The following COL24A1 variants were observed in gnomAD, a reference collection of about 807,000 sequenced individuals.
The protein encoded by COL24A1 is collagen type XXIV alpha 1 chain.
Under a neutral mutation model 253.9 loss-of-function variants are expected in COL24A1, and 224 were observed. The observed-to-expected ratio is 0.88, with a 90% confidence interval of 0.79 to 0.99. The LOEUF is 0.99. Among genes scored for constraint, COL24A1 ranks in the 50% least tolerant of loss-of-function variants. COL24A1 has a pLI of 0.00. For synonymous variants in COL24A1, 685 were observed against 673.7 expected, an observed-to-expected ratio of 1.02 and a Z score of -0.26; for missense variants, 2,131 against 2,068.5, an observed-to-expected ratio of 1.03 and a Z score of -0.59.
intron 19 of COL24A1, 73 bp from the exon 20 acceptor site, chr1:85,987,727 T>C (rs1693851501): frequency 7.7e-7 from 1 of 1,302,596 alleles, no homozygotes; most frequent in Non-Finnish European, 1.1e-6. Flanking sequence ...TAAAATTCCC[T>C]TTGCTATTCC....
chr1:86,069,797 C>T lies in COL24A1; in HGVS notation c.1708-6038G>A, dbSNP rs369118329. On this transcript the variant is annotated intron_variant, in intron 7 of 59. Coordinates refer to ENST00000370571, the MANE Select transcript of COL24A1 (RefSeq NM_152890.7). ...GGCAGTACCTCTACAAAAACCACAG[C>T]GATATTGGGCTTGGGGCCCAAGTCC... Among the ~76,000 whole-genome samples, 486 of 152,292 alleles carry T rather than the reference C, an allele frequency of 3.2e-3. 1 individual carries two copies. The highest frequency in any genetic ancestry group is 9.4e-3 in the African/African-American group (390 of 41,558).
chr1:85,951,805 T>C (rs1689961528), intron 24 of COL24A1, among the ~76,000 whole-genome samples: 1 of 152,198 alleles, frequency 6.6e-6, no homozygotes, highest in Admixed American at 6.5e-5. Context: ...ATCAGAAAAG[T>C]GCTGAGCATA....
intron 24 of COL24A1, among the ~76,000 whole-genome samples, chr1:85,913,933 TC>T (rs780285846): frequency 4.6e-5 from 7 of 152,314 alleles, no homozygotes; most frequent in South Asian, 2.1e-4. Flanking sequence ...AATATTTATT[TC>T]CCACAGTGTT....
intron 25 of COL24A1, 150 bp from the exon 26 acceptor site, chr1:85,910,153 T>C: frequency 2.0e-6 from 1 of 492,626 alleles, no homozygotes; most frequent in Non-Finnish European, 3.5e-6. Flanking sequence ...TTTACAAATT[T>C]GGCGCTTTAT....
At chr1:85,870,754 T>C (rs1343964402) in intron 35 of COL24A1, among the ~76,000 whole-genome samples, 2 of 152,068 alleles carry the variant, frequency 1.3e-5, no homozygotes, top group Non-Finnish European at 2.9e-5. Flanking sequence ...AGGAAAGATC[T>C]AAAATTAACA....
At chr1:85,906,074 T>G (rs949243450) in intron 28 of COL24A1, among the ~76,000 whole-genome samples, 3 of 151,828 alleles carry the variant, frequency 2.0e-5, no homozygotes, top group Admixed American at 6.6e-5. Context: ...ATTAGAGATG[T>G]GACCATAGAG....
chr1:85,771,632 G>A (rs1034088758), intron 53 of COL24A1, among the ~76,000 whole-genome samples: 17 of 152,152 alleles, frequency 1.1e-4, no homozygotes, highest in African/African-American at 3.9e-4. Flanking sequence ...TGGGATTGCT[G>A]GGTCAAATGG....
intron 19 of COL24A1, among the ~76,000 whole-genome samples, chr1:85,989,412 T>C (rs1202897094): frequency 6.6e-6 from 1 of 152,068 alleles, no homozygotes; most frequent in East Asian, 1.9e-4. Flanking sequence ...CTAAGCCCCA[T>C]CCATTACATC....
In COL24A1 at chr1:85,933,613, G is replaced by T. The variant is rs552417199; in HGVS notation, c.2563-22180C>A. On this transcript the variant is annotated intron_variant, in intron 24 of 59. Transcript: ENST00000370571. ...TACTTTCTGAAAGGCAGACTAAGGT[G>T]CTGTGACTTATTCTCATTTTTTTCC... 2.0e-5 allele frequency among the ~76,000 whole-genome samples: 3 copies of T among 152,298 alleles called. No homozygotes were observed. In the South Asian group the frequency reaches 6.2e-4, roughly 32 times the overall value.
chr1:85,837,208 G>A (rs1558329255), intron 43 of COL24A1, among the ~76,000 whole-genome samples: 1 of 152,106 alleles, frequency 6.6e-6, no homozygotes, highest in African/African-American at 2.4e-5. Flanking sequence ...CAAATGTTAT[G>A]TAAATTGGAA....
At chr1:85,898,414 C>A (rs1477688211) in intron 28 of COL24A1, among the ~76,000 whole-genome samples, 1 of 152,182 alleles carries the variant, frequency 6.6e-6, no homozygotes, top group Non-Finnish European at 1.5e-5. Context: ...ACACACACTT[C>A]ATGGAGGATC....
chr1:86,124,827 A>T lies in COL24A1; in HGVS notation c.1491+18T>A, dbSNP rs935600685. The T allele has an allele frequency of 1.0e-5, 9 of 863,418 alleles. No individual in the cohort carries two copies. The highest frequency in any genetic ancestry group is 6.8e-5 in the Admixed American group (2 of 29,272). 53.5% of individuals were successfully genotyped at this position (863,418 alleles called of 1,614,324 possible). On this transcript the variant is annotated intron_variant, in intron 3 of 59. Transcript: ENST00000370571. ...GTAAGTTAGCATATTAGGAGATATT[A>T]AAAAAAAAAAAACTTACGGGAGGTC...
rs1258399866 is a variant in COL24A1 at position 85,823,693 on chromosome 1, CTTG to C, written c.3724_3726del (p.Gln1242del). ...ATGCTTTCAAAACATACTGGGGGTC[CTTG>C]TTGTCCAGTGGCACCTCTTAGTCCT... On this transcript the variant is annotated inframe_deletion, in exon 44 of 60. Transcript: ENST00000370571. The C allele has an allele frequency of 3.1e-6, 5 of 1,613,762 alleles. No homozygotes were observed. The highest frequency in any genetic ancestry group is 4.2e-6 in the Non-Finnish European group (5 of 1,179,844).
chr1:86,033,310 G>T (rs1698735186), intron 13 of COL24A1, among the ~76,000 whole-genome samples: 1 of 151,944 alleles, frequency 6.6e-6, no homozygotes, highest in Non-Finnish European at 1.5e-5. Context: ...TTAAGATTGG[G>T]GAATAGCTAT....
chr1:86,125,828 T>C lies in COL24A1; in HGVS notation c.508A>G (p.Ile170Val), dbSNP rs375785844. ...AACATTGAGACACTTTGGTTTCTAA[T>C]AGTAATGGCAAATGAGTGCCATTGC... ...DEQWHSFAITIRNQSVSMFVE... is the reference protein window; with the variant it reads ...DEQWHSFAITVRNQSVSMFVE... Residue 170 changes from isoleucine to valine, a missense_variant, in exon 3 of 60, where the codon ATT becomes GTT. Transcript: ENST00000370571. The C allele has an allele frequency of 1.2e-5, 19 of 1,613,362 alleles. No homozygotes were observed. The highest frequency in any genetic ancestry group is 1.7e-4 in the Middle Eastern group (1 of 6,050).
intron 38 of COL24A1, among the ~76,000 whole-genome samples, chr1:85,848,814 A>G (rs1399024150): frequency 1.3e-5 from 2 of 152,178 alleles, no homozygotes; most frequent in Non-Finnish European, 2.9e-5. Flanking sequence ...CCAGGGGTGC[A>G]GGTTGTTATT....
At chr1:86,007,453 C>T (rs544742888) in intron 19 of COL24A1, among the ~76,000 whole-genome samples, 1 of 152,238 alleles carries the variant, frequency 6.6e-6, no homozygotes, top group East Asian at 1.9e-4. Flanking sequence ...GATCCAGAAG[C>T]CACATTCCTT....
intron 24 of COL24A1, among the ~76,000 whole-genome samples, chr1:85,925,742 C>T (rs980429091): frequency 1.3e-5 from 2 of 152,192 alleles, no homozygotes; most frequent in Non-Finnish European, 2.9e-5. Context: ...CTAAGCATTA[C>T]CATCCAGGCC....
At chr1:85,821,987 A>G (rs1365480081) in intron 45 of COL24A1, among the ~76,000 whole-genome samples, 1 of 152,196 alleles carries the variant, frequency 6.6e-6, no homozygotes, top group East Asian at 1.9e-4. Flanking sequence ...CTGCAAATAT[A>G]AGGAAGTAGC....
Sources: gnomAD v4.1 joint callset for allele counts (sites outside exome capture counted in the v4.1 genomes callset) on GRCh38, gnomAD v4.1.1 for gene constraint, MANE v1.5 for transcripts, NCBI Gene and HGNC (gene_info 2026-07-23, HGNC 2026-07-21) for gene names.